Variants in SLC15A3 observed in about 807,000 individuals in gnomAD.
SLC15A3 encodes solute carrier family 15 member 3.
SLC15A3 carries 39 observed loss-of-function variants against 49.2 expected under a neutral mutation model. That is an observed-to-expected ratio of 0.79 (90% confidence interval 0.61 to 1.04). The LOEUF (loss-of-function observed/expected upper bound fraction) is 1.04, where lower values mean the gene tolerates loss of function less well. SLC15A3 is among the 50% of genes least tolerant of loss of function. The pLI is 0.00. For synonymous variants in SLC15A3, 339 were observed against 367.0 expected (o/e 0.92, Z 0.87); for missense variants, 758 against 794.8 (o/e 0.95, Z 0.56).
chr11:60,951,093 G>C lies in SLC15A3; in HGVS notation c.459C>G (p.Pro153=), dbSNP rs2134945857. ...AGAGGACGGGCGCGCAGTAGGGGCT[G>C]GGCGAGGAGCGCGGGCAGCCGGCCG... ...CPSAGCPRSS[P]SPYCAPVLYA... The change falls in exon 1 of 8, where the codon CCC becomes CCG. Residue 153 remains proline (P), a synonymous_variant. Coordinates refer to ENST00000227880, the MANE Select transcript of SLC15A3 (RefSeq NM_016582.3). 1 of 1,478,790 alleles carries C rather than the reference G, an allele frequency of 6.8e-7. No individual in the cohort carries two copies. Among genetic ancestry groups the C allele is most frequent in the Non-Finnish European group, 8.9e-7 (1 of 1,124,626 alleles). 91.6% of individuals were successfully genotyped at this position (1,478,790 alleles called of 1,614,324 possible). A position where few individuals can be genotyped will look rare whatever the true frequency, so the allele number is the denominator to read the frequency against.
intron 5 of SLC15A3, 138 bp downstream of exon 5, chr11:60,940,984 A>G: frequency 1.1e-6 from 1 of 876,892 alleles, no homozygotes; most frequent in Non-Finnish European, 1.7e-6. Context: ...TTCAGCTTGC[A>G]CCTCTGGGAA....
intron 1 of SLC15A3, among the ~76,000 whole-genome samples, chr11:60,949,444 A>AAGAG (rs1290259184): frequency 1.6e-5 from 2 of 125,260 alleles, no homozygotes; most frequent in African/African-American, 5.3e-5. Flanking sequence ...GAAAGAAAGA[A>AAGAG]AGAAAGAGAA....
At chr11:60,949,876 C>T (rs1856883583) in intron 1 of SLC15A3, among the ~76,000 whole-genome samples, 1 of 152,232 alleles carries the variant, frequency 6.6e-6, no homozygotes, top group Non-Finnish European at 1.5e-5. Context: ...GGCTGCAGTC[C>T]TATCTGTATG....
chr11:60,945,217 T>G (rs1317743662), intron 2 of SLC15A3, among the ~76,000 whole-genome samples: 1 of 152,110 alleles, frequency 6.6e-6, no homozygotes, highest in Non-Finnish European at 1.5e-5. Flanking sequence ...CTGTGAGAAG[T>G]TCAAGCCACA....
chr11:60,939,071 TAG>T (rs1336594798), intron 6 of SLC15A3, among the ~76,000 whole-genome samples: 2 of 152,062 alleles, frequency 1.3e-5, no homozygotes, highest in Non-Finnish European at 2.9e-5. Flanking sequence ...TGTGCTATGA[TAG>T]AGAGATGAAC....
intron 1 of SLC15A3, among the ~76,000 whole-genome samples, chr11:60,949,414 GA>G (rs1384969614): frequency 3.5e-5 from 3 of 85,270 alleles, no homozygotes; most frequent in Non-Finnish European, 5.8e-5. Flanking sequence ...AAGGAAGAAA[GA>G]AAGAAAGAAG....
chr11:60,949,553 A>G (rs1018432622), intron 1 of SLC15A3, among the ~76,000 whole-genome samples: 3 of 80,498 alleles, frequency 3.7e-5, no homozygotes, highest in East Asian at 2.6e-3. Context: ...AGAAAGAAAG[A>G]AAGAAAGAAA....
intron 7 of SLC15A3, 91 bp downstream of exon 7, chr11:60,937,779 C>T (rs2134919959): frequency 6.8e-7 from 1 of 1,462,510 alleles, no homozygotes; most frequent in Non-Finnish European, 9.2e-7. Flanking sequence ...CTACTTGCTT[C>T]TCCCCAGAGT....
intron 1 of SLC15A3, 37 bp downstream of exon 1, chr11:60,950,957 C>A (rs1368064311): frequency 2.8e-6 from 4 of 1,403,808 alleles, no homozygotes; most frequent in South Asian, 1.6e-5. Context: ...CCTCCACACC[C>A]GCCGGAGTAT....
In SLC15A3 at chr11:60,946,793, C is replaced by A; in HGVS notation, c.587G>T (p.Arg196Leu). 2 of 1,612,332 alleles carry A rather than the reference C, an allele frequency of 1.2e-6. No homozygotes were observed. The highest frequency in any genetic ancestry group is 1.7e-6 in the Non-Finnish European group (2 of 1,179,446). The change falls in exon 2 of 8, where the codon CGC becomes CTC. Residue 196 changes from arginine (R) to leucine (L), a missense_variant. Transcript: ENST00000227880. ...CCAGTAAAACCAGTTGAAGAAGCGG[C>A]GGGTGGCGTCGCGGCCGAGATCCAT... Reference protein sequence around the residue: ...QVMDLGRDATRRFFNWFYWSI... With the variant: ...QVMDLGRDATLRFFNWFYWSI...
At chr11:60,943,908 A>C in intron 2 of SLC15A3, 72 bp from the exon 3 acceptor site, 1 of 1,364,220 alleles carries the variant, frequency 7.3e-7, no homozygotes, top group Non-Finnish European at 9.6e-7. Context: ...CTGTAATCCC[A>C]GCACTTTGGG....
chr11:60,940,324 G>A (rs1461239309), intron 5 of SLC15A3: 2 of 152,594 alleles, frequency 1.3e-5, no homozygotes, highest in African/African-American at 4.8e-5. Context: ...ACATTCCCAG[G>A]ATTATTGTGA....
At position 60,941,110 on chromosome 11, in the gene SLC15A3, C is replaced by A; in HGVS notation, c.1276+12G>T. ...CAAAGTTCAGCCCCCTGCCCCACAC[C>A]CCTCTGCACACCTGCCACAATGACG... On this transcript the variant is annotated intron_variant, in intron 5 of 7. Transcript: ENST00000227880. 1 of 1,607,378 alleles carries A rather than the reference C, an allele frequency of 6.2e-7. No individual in the cohort carries two copies. Among genetic ancestry groups the A allele is most frequent in the East Asian group, 2.2e-5 (1 of 44,634 alleles).
At chr11:60,948,077 G>A (rs555317832) in intron 1 of SLC15A3, among the ~76,000 whole-genome samples, 2 of 152,324 alleles carry the variant, frequency 1.3e-5, no homozygotes, top group South Asian at 4.1e-4. Flanking sequence ...ACTAGCTAGG[G>A]CGATTTTGTC....
chr11:60,945,465 G>A (rs1856787606), intron 2 of SLC15A3, among the ~76,000 whole-genome samples: 1 of 152,198 alleles, frequency 6.6e-6, no homozygotes, highest in African/African-American at 2.4e-5. Context: ...AAATCACTAA[G>A]CTCTGGTGTG....
chr11:60,951,625 C>A lies in SLC15A3; in HGVS notation c.-74G>T. 1 of 1,049,276 alleles carries A rather than the reference C, an allele frequency of 9.5e-7. No individual in the cohort carries two copies. The allele number at this position is 1,049,276 out of a possible 1,614,324, so 65.0% of individuals were successfully genotyped here. ...CCGCCTCAGAGCCCTGCACTCCTGC[C>A]CCCGGGCCTCGGCCCTCTCCCCCAC... On this transcript the variant is annotated 5_prime_UTR_variant, in exon 1 of 8. Coordinates refer to ENST00000227880, the MANE Select transcript of SLC15A3 (RefSeq NM_016582.3).
chr11:60,938,084 A>G (rs1590634581), intron 6 of SLC15A3, 59 bp from the exon 7 acceptor site: 2 of 1,561,020 alleles, frequency 1.3e-6, no homozygotes, highest in South Asian at 2.4e-5. Context: ...GAACAGGCCC[A>G]GGCCCCTGCT....
In SLC15A3 at chr11:60,937,211, G is replaced by A; in HGVS notation, c.*8C>T. The A allele has an allele frequency of 2.5e-6, 4 of 1,611,804 alleles. No homozygotes were observed. Among genetic ancestry groups the A allele is most frequent in the Non-Finnish European group, 3.4e-6 (4 of 1,178,322 alleles). On this transcript the variant is annotated 3_prime_UTR_variant, in exon 8 of 8. Coordinates refer to ENST00000227880, the MANE Select transcript of SLC15A3 (RefSeq NM_016582.3). Reference sequence around the variant, plus strand: ...AGAGTGAAGCAAGGGGGCTGGAATAGGGCCTGTTCAGCCCCTGTCCCTGCT... The same window carrying A: ...AGAGTGAAGCAAGGGGGCTGGAATAAGGCCTGTTCAGCCCCTGTCCCTGCT...
rs1856935055 is a variant in SLC15A3 at position 60,951,846 on chromosome 11, C to CGT, written c.-296_-295insAC. On this transcript the variant is annotated 5_prime_UTR_variant, in exon 1 of 8. Coordinates refer to ENST00000227880, the MANE Select transcript of SLC15A3 (RefSeq NM_016582.3). ...GCGCCTCTCCTGCAGCTGTTTCTCC[C>CGT]TAACTCTCCCCTCTCCTCCCTCCAC... 1 of 165,798 alleles carries CGT rather than the reference C, an allele frequency of 6.0e-6. No homozygotes were observed. Among genetic ancestry groups the CGT allele is most frequent in the Non-Finnish European group, 1.3e-5 (1 of 77,394 alleles). The allele number at this position is 165,798 out of a possible 1,614,324, so 10.3% of individuals were successfully genotyped here.
Sources: allele counts gnomAD v4.1 joint callset (sites outside exome capture counted in the v4.1 genomes callset), GRCh38; gene constraint gnomAD v4.1.1; transcripts MANE v1.5; gene names NCBI Gene and HGNC (gene_info 2026-07-23, HGNC 2026-07-21).